The following SDR42E2 variants were observed in gnomAD, a reference collection of about 807,000 sequenced individuals.
SDR42E2 encodes putative short-chain dehydrogenase/reductase family 42E member 2.
In SDR42E2, 20 loss-of-function variants were observed where a neutral mutation model predicts 10.5. That is an observed-to-expected ratio of 1.90 (90% CI 1.34 to 2.77). The LOEUF is 2.77. SDR42E2 is among the 30% of genes most tolerant of loss of function. The pLI, the probability that SDR42E2 is intolerant of heterozygous loss-of-function variation, is 0.00. For synonymous variants in SDR42E2, 72 were observed against 39.2 expected (o/e 1.84, Z -3.12); for missense variants, 162 against 104.2 (o/e 1.55, Z -2.42).
At chr16:22,183,022 A>C (rs1490968703) in intron 10 of SDR42E2, among the ~76,000 whole-genome samples, 1 of 151,870 alleles carries the variant, frequency 6.6e-6, no homozygotes, top group Non-Finnish European at 1.5e-5. Context: ...CAATTTTTTT[A>C]AAAAAACACC....
intron 7 of SDR42E2, among the ~76,000 whole-genome samples, chr16:22,176,807 T>G (rs1466727041): frequency 6.6e-6 from 1 of 152,194 alleles, no homozygotes; most frequent in Non-Finnish European, 1.5e-5. Flanking sequence ...AGGAGATACA[T>G]GTTCACCTGC....
chr16:22,174,854 C>G (rs564814350), intron 7 of SDR42E2, among the ~76,000 whole-genome samples: 6 of 152,138 alleles, frequency 3.9e-5, no homozygotes, highest in African/African-American at 4.8e-5. Context: ...GACCTCCCCC[C>G]ACTATGCCCA....
chr16:22,189,399 C>G (rs2142085256), intron 12 of SDR42E2, among the ~76,000 whole-genome samples: 1 of 152,326 alleles, frequency 6.6e-6, no homozygotes, highest in Middle Eastern at 3.4e-3. Context: ...CACTCAACCT[C>G]TCTGACCTTT....
chr16:22,163,296 A>C (rs533961564), intron 1 of SDR42E2, among the ~76,000 whole-genome samples: 1 of 152,126 alleles, frequency 6.6e-6, no homozygotes, highest in Admixed American at 6.5e-5. Context: ...CCTTCCCCAG[A>C]ACAGAGTCCT....
intron 10 of SDR42E2, 82 bp downstream of exon 10, chr16:22,182,359 T>C (rs1312161056): frequency 2.5e-6 from 1 of 395,904 alleles, no homozygotes; most frequent in African/African-American, 2.1e-5. Flanking sequence ...TTTTTTTTAA[T>C]TTTTTGAGAC....
chr16:22,170,785 G>T, intron 5 of SDR42E2, 48 bp from the exon 6 acceptor site: 1 of 702,470 alleles, frequency 1.4e-6, no homozygotes, highest in Non-Finnish European at 2.6e-6. Flanking sequence ...CTGTGTCTTT[G>T]CATGTGTGTG....
intron 7 of SDR42E2, among the ~76,000 whole-genome samples, chr16:22,174,677 G>A (rs1248697730): frequency 6.6e-6 from 1 of 152,012 alleles, no homozygotes; most frequent in Non-Finnish European, 1.5e-5. Context: ...TCTACCTGGG[G>A]CCTCTGCCAG....
chr16:22,166,871 C>T (rs896785097), intron 3 of SDR42E2, 33 bp from the exon 4 acceptor site: 5 of 617,864 alleles, frequency 8.1e-6, no homozygotes, highest in Non-Finnish European at 1.5e-5. Context: ...GGACTTGAAC[C>T]CCCTGCCCTC....
In SDR42E2 at chr16:22,166,310, C is replaced by A. The variant is rs1359821717; in HGVS notation, c.116C>A (p.Thr39Asn). 1 of 402,312 alleles carries A rather than the reference C, an allele frequency of 2.5e-6. No individual in the cohort carries two copies. The highest frequency in any genetic ancestry group is 4.4e-6 in the Non-Finnish European group (1 of 227,136). 24.9% of individuals were successfully genotyped at this position (402,312 alleles called of 1,614,324 possible). Residue 39 changes from threonine to asparagine, a missense_variant, in exon 3 of 13, where the codon ACT (threonine) becomes AAT (asparagine). Physicochemically the swap from Thr to Asn is moderately conservative, Grantham distance 65. Coordinates refer to ENST00000602312, the MANE Select transcript of SDR42E2 (RefSeq NM_001394319.2). Reference sequence around the variant, plus strand: ...GCTGCCAGGCAGAAGGTTCTAGTGACTGGAGGAGGAGGCTACCTGGGCTTC... The same window carrying A: ...GCTGCCAGGCAGAAGGTTCTAGTGAATGGAGGAGGAGGCTACCTGGGCTTC... ...TKAARQKVLVTGGGGYLGFSL... is the reference protein window; with the variant it reads ...TKAARQKVLVNGGGGYLGFSL...
At chr16:22,175,243 T>C (rs762085089) in intron 7 of SDR42E2, among the ~76,000 whole-genome samples, 21 of 152,004 alleles carry the variant, frequency 1.4e-4, no homozygotes, top group Non-Finnish European at 2.6e-4. Context: ...GAGGACTGCT[T>C]GAGCTCAGGA....
intron 9 of SDR42E2, among the ~76,000 whole-genome samples, chr16:22,181,957 G>T (rs1308647637): frequency 6.8e-6 from 1 of 146,850 alleles, no homozygotes; most frequent in African/African-American, 2.7e-5. Context: ...AGTCCAAGAA[G>T]GAGATCCCAT....
chr16:22,186,045 C>A (rs985398742), intron 11 of SDR42E2, among the ~76,000 whole-genome samples: 1 of 151,956 alleles, frequency 6.6e-6, no homozygotes, highest in East Asian at 1.9e-4. Flanking sequence ...CTGGTTCTCA[C>A]AAGTATTATT....
At chr16:22,169,664 G>T (rs1046731357) in intron 5 of SDR42E2, among the ~76,000 whole-genome samples, 162 bp downstream of exon 5, 1 of 152,198 alleles carries the variant, frequency 6.6e-6, no homozygotes, top group African/African-American at 2.4e-5. Context: ...GGGTGTGTCA[G>T]TGTGGCCTTA....
chr16:22,172,199 T>C, intron 6 of SDR42E2, 57 bp from the exon 7 acceptor site: 2 of 702,566 alleles, frequency 2.8e-6, no homozygotes, highest in Non-Finnish European at 2.6e-6. Context: ...TGGGCAGGCA[T>C]TGCCAGCAGC....
chr16:22,181,550 G>A lies in SDR42E2; in HGVS notation c.704G>A (p.Arg235Gln), dbSNP rs1027761752. ...ATCAAGAAGAGGCTGTTCATGTTCC[G>A]ATTTGGGGACCACAAGGCACGGATG... is the stretch of plus-strand genomic sequence containing the variant. ...GHIKKRLFMF[R>Q]FGDHKARMNW... Residue 235 changes from arginine (R) to glutamine (Q), a missense_variant, in exon 9 of 13, where the codon CGA becomes CAA. Arg to Gln is a conservative substitution (Grantham distance 43). Transcript: ENST00000602312. 3.0e-5 allele frequency: 21 copies of A among 702,878 alleles called. No individual in the cohort carries two copies. Among genetic ancestry groups the A allele is most frequent in the Non-Finnish European group, 4.4e-5 (17 of 385,010 alleles). The allele number at this position is 702,878 out of a possible 1,614,324, so 43.5% of individuals were successfully genotyped here.
At chr16:22,188,695 G>T (rs1168801941) in intron 12 of SDR42E2, among the ~76,000 whole-genome samples, 2 of 152,158 alleles carry the variant, frequency 1.3e-5, no homozygotes, top group Non-Finnish European at 2.9e-5. Context: ...TGTTTAACTT[G>T]GGGATTTCCT....
At position 22,190,517 on chromosome 16, in the gene SDR42E2, T is replaced by A. The variant is rs1159323564; in HGVS notation, c.*124T>A. On this transcript the variant is annotated 3_prime_UTR_variant, in exon 13 of 13. Transcript: ENST00000602312. Reference sequence around the variant, plus strand: ...TTGAGCGCGCCTCCGCTCCGCCCCTTGAATCCTGGTCACGCCCCCGAGCCG... The same window carrying A: ...TTGAGCGCGCCTCCGCTCCGCCCCTAGAATCCTGGTCACGCCCCCGAGCCG... 5.0e-6 allele frequency: 2 copies of A among 399,074 alleles called. No individual in the cohort carries two copies. The highest frequency in any genetic ancestry group is 4.1e-5 in the African/African-American group (2 of 48,530). 24.7% of individuals were successfully genotyped at this position (399,074 alleles called of 1,614,324 possible). A position where few individuals can be genotyped will look rare whatever the true frequency, so the allele number is the denominator to read the frequency against.
chr16:22,184,261 G>C lies in SDR42E2; in HGVS notation c.940+17G>C, dbSNP rs1012274242. ...ACCTGACAGGTAAGGAAAGGAGTGTGCGTAGTAAAGCCCTCCATGTGCCAG... is the reference window on the plus strand; with the variant it reads ...ACCTGACAGGTAAGGAAAGGAGTGTCCGTAGTAAAGCCCTCCATGTGCCAG... On this transcript the variant is annotated intron_variant, in intron 11 of 12. Coordinates refer to ENST00000602312, the MANE Select transcript of SDR42E2 (RefSeq NM_001394319.2). 2.5e-6 allele frequency: 1 copy of C among 401,246 alleles called. No individual in the cohort carries two copies. The allele number at this position is 401,246 out of a possible 1,614,324, so 24.9% of individuals were successfully genotyped here.
At chr16:22,177,490 T>C (rs894789193) in intron 7 of SDR42E2, among the ~76,000 whole-genome samples, 1 of 152,042 alleles carries the variant, frequency 6.6e-6, no homozygotes, top group Non-Finnish European at 1.5e-5. Flanking sequence ...TAGCTGGGCA[T>C]GGTTGTGGGC....
Sources: gnomAD v4.1 joint callset for allele counts (sites outside exome capture counted in the v4.1 genomes callset) on GRCh38, gnomAD v4.1.1 for gene constraint, MANE v1.5 for transcripts, NCBI Gene and HGNC (gene_info 2026-07-23, HGNC 2026-07-21) for gene names.